The following VPS8 variants were observed in gnomAD, a reference collection of about 807,000 sequenced individuals.
The protein encoded by VPS8 is VPS8 subunit of CORVET complex.
In VPS8, 129 loss-of-function variants were observed where a neutral mutation model predicts 216.4. The observed-to-expected ratio is 0.60, with a 90% CI of 0.52 to 0.69. The LOEUF is 0.69. Ranked by LOEUF, VPS8 falls within the 30% of genes least tolerant of loss-of-function variation. VPS8 has a pLI of 0.00. For missense variants in VPS8, 1,531 were observed against 1,683.5 expected, an observed-to-expected ratio of 0.91 and a Z score of 1.59; for synonymous variants, 571 against 565.4, an observed-to-expected ratio of 1.01 and a Z score of -0.14.
At chr3:185,038,200 G>A (rs757610049) in intron 46 of VPS8, among the ~76,000 whole-genome samples, 10 of 152,184 alleles carry the variant, frequency 6.6e-5, no homozygotes, top group African/African-American at 1.4e-4. Flanking sequence ...TCAAGTAGGC[G>A]TAGCCTTGGG....
At chr3:184,860,271 C>T (rs1240037119) in intron 15 of VPS8, among the ~76,000 whole-genome samples, 1 of 151,730 alleles carries the variant, frequency 6.6e-6, no homozygotes, top group African/African-American at 2.4e-5. Context: ...GAGTTCGAGG[C>T]TGTAGTGCTC....
At chr3:184,838,627 C>G (rs1179664772) in intron 5 of VPS8, 87 bp from the exon 6 acceptor site, 1 of 1,064,426 alleles carries the variant, frequency 9.4e-7, no homozygotes, top group African/African-American at 1.7e-5. Context: ...TGATTTGGAG[C>G]AAGTATATGT....
rs75622054 is a variant in VPS8, at chr3:184,965,046, G to A, written c.3273+489G>A. Among the ~76,000 whole-genome samples, 408 of 152,222 alleles carry A rather than the reference G, an allele frequency of 2.7e-3. 14 individuals carry two copies. The East Asian group carries it at 0.072, about 27-fold the overall frequency. ...CATAGCAGCTATGCCACTTTACATC[G>A]CTACCAGCAACACTCAGGGGTTCCA... On this transcript the variant is annotated intron_variant, in intron 38 of 47. Transcript: ENST00000625842.
chr3:184,886,874 T>TG (rs1468989578), intron 22 of VPS8, among the ~76,000 whole-genome samples: 2 of 152,160 alleles, frequency 1.3e-5, no homozygotes, highest in African/African-American at 4.8e-5. Context: ...CCACCATGCC[T>TG]GGCCTGGTAT....
chr3:185,003,549 ACTT>A (rs1353321494), intron 45 of VPS8, among the ~76,000 whole-genome samples: 1 of 148,048 alleles, frequency 6.8e-6, no homozygotes, highest in Non-Finnish European at 1.5e-5. Flanking sequence ...TCCCATGTCT[ACTT>A]CTTTCTACAC....
chr3:184,972,152 G>A (rs1748533898), intron 40 of VPS8, among the ~76,000 whole-genome samples: 2 of 151,918 alleles, frequency 1.3e-5, no homozygotes. Flanking sequence ...AGCCACCCGG[G>A]TTTAATTCAA....
intron 24 of VPS8, among the ~76,000 whole-genome samples, chr3:184,898,981 C>T (rs1734000592): frequency 6.6e-6 from 1 of 151,902 alleles, no homozygotes; most frequent in Non-Finnish European, 1.5e-5. Context: ...TCTAAAGATA[C>T]GAAAAATTTA....
intron 21 of VPS8, among the ~76,000 whole-genome samples, chr3:184,873,117 A>G (rs1302235599): frequency 1.3e-5 from 2 of 152,162 alleles, no homozygotes; most frequent in African/African-American, 2.4e-5. Context: ...AGTATGTGAC[A>G]TGTATTTTTA....
chr3:184,849,148 A>G lies in VPS8; in HGVS notation c.619A>G (p.Ile207Val). ...GTATGGCGCTATCTCTGCCCTCAGT[A>G]TCAACAATGATTGCTCAAGACTTCT... ...GQYGAISALSINNDCSRLLCG... is the reference protein window; with the variant it reads ...GQYGAISALSVNNDCSRLLCG... Residue 207 changes from isoleucine to valine, a missense_variant, in exon 9 of 48, where the codon ATC (isoleucine) becomes GTC (valine). Physicochemically the swap from Ile to Val is conservative, Grantham distance 29. Transcript: ENST00000625842. 1 of 1,613,692 alleles carries G rather than the reference A, an allele frequency of 6.2e-7. No homozygotes were observed.
chr3:184,986,909 G>A (rs1751177718), intron 42 of VPS8, among the ~76,000 whole-genome samples: 1 of 151,994 alleles, frequency 6.6e-6, no homozygotes, highest in Admixed American at 6.6e-5. Flanking sequence ...TGTTACAATT[G>A]GTGAATTAAT....
At chr3:184,869,084 G>C (rs745927097) in intron 19 of VPS8, 48 bp downstream of exon 19, 2 of 1,540,146 alleles carry the variant, frequency 1.3e-6, no homozygotes, top group South Asian at 2.4e-5. Context: ...TCCTGGAGTA[G>C]AGGGAATGGT....
At chr3:185,006,809 C>G (rs182510377) in intron 45 of VPS8, among the ~76,000 whole-genome samples, 1 of 149,284 alleles carries the variant, frequency 6.7e-6, no homozygotes, top group Non-Finnish European at 1.5e-5. Flanking sequence ...ATTGGAATCC[C>G]CTCACTGCCT....
intron 37 of VPS8, among the ~76,000 whole-genome samples, chr3:184,962,988 C>T (rs1746788050): frequency 6.6e-6 from 1 of 152,042 alleles, no homozygotes. Flanking sequence ...ATATACTAAA[C>T]TCCCAAATAT....
chr3:185,029,150 G>A (rs1266471444), intron 46 of VPS8, among the ~76,000 whole-genome samples: 1 of 152,126 alleles, frequency 6.6e-6, no homozygotes, highest in Non-Finnish European at 1.5e-5. Context: ...TTTTTGTGTG[G>A]ATATGCTTGT....
At chr3:184,980,329 C>T (rs1267032592) in intron 40 of VPS8, among the ~76,000 whole-genome samples, 1 of 151,838 alleles carries the variant, frequency 6.6e-6, no homozygotes, top group Non-Finnish European at 1.5e-5. Context: ...GTTTAAATGT[C>T]AGCTTCTCAA....
chr3:184,925,277 A>G (rs1476776163), intron 30 of VPS8, among the ~76,000 whole-genome samples: 1 of 152,222 alleles, frequency 6.6e-6, no homozygotes. Flanking sequence ...CACTGGTAGT[A>G]AGACTATTAT....
chr3:184,927,870 G>A (rs994969015), intron 31 of VPS8, among the ~76,000 whole-genome samples: 4 of 152,144 alleles, frequency 2.6e-5, no homozygotes, highest in African/African-American at 9.7e-5. Flanking sequence ...ATGTGTTCAA[G>A]GTTCATCCAT....
rs138928435 is a variant in VPS8, at chr3:184,937,717, G to A, written c.2988+1382G>A. 1.1e-4 allele frequency among the ~76,000 whole-genome samples: 17 copies of A among 152,282 alleles called. No individual in the cohort carries two copies. The East Asian group carries it at 2.9e-3, about 26-fold the overall frequency. ...TGGGCAGGGCTTTCTTAATAAAAAGGTTCTGGGTATAAAAGCCTTGAAGGC... is the reference window on the plus strand; with the variant it reads ...TGGGCAGGGCTTTCTTAATAAAAAGATTCTGGGTATAAAAGCCTTGAAGGC... On this transcript the variant is annotated intron_variant, in intron 35 of 47. Transcript: ENST00000625842.
intron 23 of VPS8, among the ~76,000 whole-genome samples, chr3:184,895,954 C>A: frequency 6.6e-6 from 1 of 151,612 alleles, no homozygotes; most frequent in Non-Finnish European, 1.5e-5. Flanking sequence ...TTTTTTAATT[C>A]CACATTAGTC....
Sources: gnomAD v4.1 joint callset for allele counts (sites outside exome capture counted in the v4.1 genomes callset) on GRCh38, gnomAD v4.1.1 for gene constraint, MANE v1.5 for transcripts, NCBI Gene and HGNC (gene_info 2026-07-23, HGNC 2026-07-21) for gene names.